CPLX2: variants seen among roughly 807,000 people sequenced by gnomAD.
The protein encoded by CPLX2 is complexin-2.
In CPLX2, 5 loss-of-function variants were observed where a neutral mutation model predicts 16.3. The observed-to-expected ratio is 0.31, with a 90% confidence interval of 0.16 to 0.64. The LOEUF is 0.64. Among genes scored for constraint, CPLX2 ranks in the 30% least tolerant of loss-of-function variants. The pLI, the probability that CPLX2 is intolerant of heterozygous loss-of-function variation, is 0.79. For missense variants in CPLX2, 144 were observed against 181.4 expected (o/e 0.79, Z 1.18); for synonymous variants, 89 against 73.2 (o/e 1.22, Z -1.10).
intron 1 of CPLX2, among the ~76,000 whole-genome samples, chr5:175,801,029 G>C (rs375692863): frequency 5.9e-5 from 9 of 152,270 alleles, no homozygotes; most frequent in African/African-American, 2.2e-4. Flanking sequence ...AGTGAGGGGA[G>C]AGCAGCAGCC....
At chr5:175,873,255 A>C (rs1044783370) in intron 1 of CPLX2, among the ~76,000 whole-genome samples, 1 of 85,396 alleles carries the variant, frequency 1.2e-5, no homozygotes, top group African/African-American at 4.5e-5. Flanking sequence ...GGCATATGGC[A>C]AAACATACAC....
chr5:175,839,569 A>G (rs1256499746), intron 2 of CPLX2, among the ~76,000 whole-genome samples: 2 of 152,248 alleles, frequency 1.3e-5, no homozygotes, highest in Non-Finnish European at 2.9e-5. Flanking sequence ...TACAGGCGTG[A>G]GCCACCTCAT....
At position 175,874,385 on chromosome 5, in the gene CPLX2, A is replaced by C. The variant is rs570427635; in HGVS notation, c.-89+2680A>C. 1.3e-4 allele frequency among the ~76,000 whole-genome samples: 20 copies of C among 152,294 alleles called. No individual in the cohort carries two copies. The South Asian group carries it at 3.7e-3, about 28-fold the overall frequency. The stretch of plus-strand genomic sequence containing the variant: ...CAATTCCTTGCATGATCTGTTATCC[A>C]GCTTCTACCTCCCCAGCCCAACTGA... On this transcript the variant is annotated intron_variant, in intron 1 of 3. Transcript: ENST00000393745.
intron 2 of CPLX2, among the ~76,000 whole-genome samples, chr5:175,860,634 G>GGAAC (rs1759356272): frequency 1.3e-5 from 2 of 151,038 alleles, no homozygotes; most frequent in African/African-American, 4.9e-5. Flanking sequence ...AAGGAAGGAA[G>GGAAC]GAAGGAAGGG....
intron 1 of CPLX2, among the ~76,000 whole-genome samples, chr5:175,804,491 T>C (rs1208241256): frequency 6.6e-6 from 1 of 152,130 alleles, no homozygotes; most frequent in Non-Finnish European, 1.5e-5. Context: ...GTGCATTGCC[T>C]CTCCAGCCTC....
At chr5:175,864,635 G>A (rs1759432472) in intron 2 of CPLX2, among the ~76,000 whole-genome samples, 1 of 152,150 alleles carries the variant, frequency 6.6e-6, no homozygotes, top group African/African-American at 2.4e-5. Flanking sequence ...GAACGAAGTG[G>A]GGGAAGAGAA....
chr5:175,805,481 T>C (rs1320849271), intron 1 of CPLX2: 6 of 152,246 alleles, frequency 3.9e-5, no homozygotes. Flanking sequence ...AAGAAACGTG[T>C]CCAAGATCAT....
chr5:175,871,961 G>T (rs1759633934), intron 1 of CPLX2: 1 of 152,306 alleles, frequency 6.6e-6, no homozygotes. Context: ...CGAACTAAGA[G>T]GAAGCGTGGG....
chr5:175,803,614 C>T (rs550584444), intron 1 of CPLX2, among the ~76,000 whole-genome samples: 19 of 152,286 alleles, frequency 1.2e-4, no homozygotes, highest in Admixed American at 6.5e-4. Context: ...GAGTCACAGA[C>T]GGTGACAGCG....
chr5:175,823,589 G>A (rs1449341994), intron 2 of CPLX2, among the ~76,000 whole-genome samples: 1 of 152,206 alleles, frequency 6.6e-6, no homozygotes, highest in Non-Finnish European at 1.5e-5. Context: ...TCGGGAGAGA[G>A]GTCTGGGCTG....
intron 2 of CPLX2, among the ~76,000 whole-genome samples, chr5:175,818,649 CCTT>C (rs1266784893): frequency 2.9e-4 from 26 of 91,058 alleles, no homozygotes; most frequent in African/African-American, 1.0e-3. Context: ...GCTGTCCCAA[CCTT>C]TTTTTTTTTT....
intron 2 of CPLX2, among the ~76,000 whole-genome samples, chr5:175,828,534 G>A (rs895648245): frequency 3.3e-5 from 5 of 152,168 alleles, no homozygotes; most frequent in African/African-American, 4.8e-5. Flanking sequence ...TCCTGGAAGC[G>A]TGTAAACAGG....
chr5:175,874,269 G>C (rs749859069), intron 1 of CPLX2, among the ~76,000 whole-genome samples: 2 of 152,218 alleles, frequency 1.3e-5, no homozygotes, highest in Non-Finnish European at 2.9e-5. Context: ...ACAGAGTGGA[G>C]GGTGGGGATG....
At position 175,824,139 on chromosome 5, in the gene CPLX2, C is replaced by T. The variant is rs1055090063; in HGVS notation, c.-89+15071C>T. Among the ~76,000 whole-genome samples the T allele has an allele frequency of 2.4e-4, 37 of 152,154 alleles. 1 individual carries two copies. The highest frequency in any genetic ancestry group is 1.9e-4 in the East Asian group (1 of 5,190). ...GTCCCCAACCTTTCACCCTCAAGGA[C>T]GCCTTTTTTTCTTTCCCTCTTGACT... On this transcript the variant is annotated intron_variant, in intron 2 of 4. Coordinates refer to the CPLX2 transcript ENST00000359546.
chr5:175,823,169 C>T (rs1016237755), intron 2 of CPLX2, among the ~76,000 whole-genome samples: 1 of 152,244 alleles, frequency 6.6e-6, no homozygotes, highest in African/African-American at 2.4e-5. Flanking sequence ...GCTTGTCTGT[C>T]TCCTTCACAG....
At chr5:175,799,957 C>T (rs1268656565) in intron 1 of CPLX2, among the ~76,000 whole-genome samples, 1 of 152,086 alleles carries the variant, frequency 6.6e-6, no homozygotes, top group African/African-American at 2.4e-5. Flanking sequence ...AAGCCCAGAT[C>T]TCATTTTTGT....
At chr5:175,819,146 T>C (rs6883812) in intron 2 of CPLX2, among the ~76,000 whole-genome samples, 2,885 of 152,272 alleles carry the variant, frequency 0.019, 100 homozygotes, top group African/African-American at 0.066. Context: ...GTTCTAGTGT[T>C]GATAGCCACT....
At chr5:175,847,637 A>T (rs1177297298) in intron 2 of CPLX2, among the ~76,000 whole-genome samples, 1 of 152,186 alleles carries the variant, frequency 6.6e-6, no homozygotes, top group Non-Finnish European at 1.5e-5. Flanking sequence ...GATTAGAGAG[A>T]ACGGGAGGTC....
intron 2 of CPLX2, among the ~76,000 whole-genome samples, chr5:175,861,361 C>A (rs995530820): frequency 2.0e-5 from 3 of 152,154 alleles, no homozygotes; most frequent in Non-Finnish European, 4.4e-5. Flanking sequence ...GAGGGCTCTG[C>A]AGCAGGGAGC....
Sources: gnomAD v4.1 joint callset for allele counts (sites outside exome capture counted in the v4.1 genomes callset) on GRCh38, gnomAD v4.1.1 for gene constraint, MANE v1.5 for transcripts, NCBI Gene and HGNC (gene_info 2026-07-23, HGNC 2026-07-21) for gene names.